The following SAMD7 variants were observed in gnomAD, a reference collection of about 807,000 sequenced individuals.
SAMD7 encodes sterile alpha motif domain-containing protein 7.
In SAMD7, 34 loss-of-function variants were observed where a neutral mutation model predicts 36.7. The ratio of observed to expected loss-of-function variants is 0.93; its 90% CI spans 0.71 to 1.23. The LOEUF is 1.23. SAMD7 is among the 50% of genes most tolerant of loss of function. The probability of loss-of-function intolerance (pLI) is 0.00; values close to 1 mark genes in which losing one functional copy is unlikely to be tolerated. For synonymous variants in SAMD7, 188 were observed against 189.7 expected (o/e 0.99, Z 0.07); for missense variants, 570 against 546.6 (o/e 1.04, Z -0.43).
chr3:169,938,451 G>A lies in SAMD7; in HGVS notation c.1286G>A (p.Cys429Tyr). The change falls in exon 9 of 9, where the codon TGT (cysteine) becomes TAT (tyrosine). Residue 429 changes from cysteine to tyrosine, a missense_variant. Coordinates refer to ENST00000335556, the MANE Select transcript of SAMD7 (RefSeq NM_001304366.2). ...NSWSDTMNIF[C>Y]PQDTIIPKGI... Reference sequence around the variant, plus strand: ...TGGAGTGATACAATGAACATTTTTTGTCCCCAGGATACAATAATTCCTAAA... The same window carrying A: ...TGGAGTGATACAATGAACATTTTTTATCCCCAGGATACAATAATTCCTAAA... The A allele has an allele frequency of 1.2e-6, 2 of 1,613,212 alleles. No homozygotes were observed. Among genetic ancestry groups the A allele is most frequent in the South Asian group, 1.1e-5 (1 of 91,038 alleles).
chr3:169,915,797 C>T (rs1187306461), intron 2 of SAMD7, among the ~76,000 whole-genome samples: 2 of 151,702 alleles, frequency 1.3e-5, no homozygotes, highest in Non-Finnish European at 2.9e-5. Flanking sequence ...AGGCTGGTCT[C>T]GAACTCCTGA....
At chr3:169,925,253 C>A in intron 5 of SAMD7, 117 bp downstream of exon 5, 1 of 600,012 alleles carries the variant, frequency 1.7e-6, no homozygotes, top group Non-Finnish European at 2.8e-6. Flanking sequence ...AATACACACA[C>A]ACAAATTACT....
At chr3:169,925,507 A>C (rs1713221762) in intron 5 of SAMD7, among the ~76,000 whole-genome samples, 1 of 150,364 alleles carries the variant, frequency 6.7e-6, no homozygotes, top group Non-Finnish European at 1.5e-5. Flanking sequence ...TGAGTGGATC[A>C]TGAGGTCAGG....
At chr3:169,912,935 G>A (rs1464455188) in intron 1 of SAMD7, among the ~76,000 whole-genome samples, 1 of 152,188 alleles carries the variant, frequency 6.6e-6, no homozygotes. Context: ...GTTGTGCTCA[G>A]AGAGAGTTGG....
At chr3:169,929,323 T>C (rs1713398759) in intron 7 of SAMD7, among the ~76,000 whole-genome samples, 1 of 152,156 alleles carries the variant, frequency 6.6e-6, no homozygotes, top group Non-Finnish European at 1.5e-5. Context: ...AAATCTAGTA[T>C]CATTTTTGGT....
chr3:169,919,361 G>T, intron 2 of SAMD7, 97 bp from the exon 3 acceptor site: 1 of 679,494 alleles, frequency 1.5e-6, no homozygotes, highest in Non-Finnish European at 2.6e-6. Context: ...CCCAAGTGTT[G>T]TGAAAATACA....
intron 2 of SAMD7, among the ~76,000 whole-genome samples, chr3:169,916,129 C>G (rs1331324835): frequency 6.6e-6 from 1 of 152,198 alleles, no homozygotes; most frequent in South Asian, 2.1e-4. Context: ...GCACAATGGA[C>G]GAACCTGAAG....
chr3:169,924,898 G>A (rs529316721), intron 4 of SAMD7, among the ~76,000 whole-genome samples, 160 bp from the exon 5 acceptor site: 11 of 149,648 alleles, frequency 7.4e-5, no homozygotes, highest in South Asian at 4.2e-4. Context: ...CTAAGATACC[G>A]AACTGCAATG....
intron 2 of SAMD7, among the ~76,000 whole-genome samples, chr3:169,917,902 A>G (rs530402795): frequency 1.3e-5 from 2 of 150,900 alleles, no homozygotes; most frequent in South Asian, 4.2e-4. Flanking sequence ...CGGCCTCCCA[A>G]AATGCTGGGA....
chr3:169,924,992 TTTA>T (rs1375722565), intron 4 of SAMD7, 63 bp from the exon 5 acceptor site: 3 of 1,017,546 alleles, frequency 2.9e-6, no homozygotes, highest in Non-Finnish European at 3.0e-6. Context: ...TATAGTTTAT[TTTA>T]TTATTTTCAA....
At chr3:169,932,212 C>T (rs1713524936) in intron 7 of SAMD7, 1 of 808,238 alleles carries the variant, frequency 1.2e-6, no homozygotes, top group Admixed American at 1.9e-5. Context: ...GACTGCAGCC[C>T]AGTGGGTGGT....
At chr3:169,933,870 G>A (rs533073976) in intron 7 of SAMD7, among the ~76,000 whole-genome samples, 2 of 152,308 alleles carry the variant, frequency 1.3e-5, no homozygotes, top group South Asian at 2.1e-4. Context: ...GAGCATGGTG[G>A]GAACACATAT....
Position 169,926,858 on chromosome 3 carries a change from A to C in SAMD7, c.596A>C (p.Glu199Ala). ...GNQKALDSDA[E>A]SSKSQAEEKI... ...CAAAAAGCTCTAGACAGTGATGCTG[A>C]GAGTTCCAAAAGTCAAGCAGAAGAA... is the stretch of plus-strand genomic sequence containing the variant. The change falls in exon 6 of 9, where the codon GAG becomes GCG. Residue 199 changes from glutamate to alanine, a missense_variant. Glu to Ala is a moderately radical substitution (Grantham distance 107). Transcript: ENST00000335556. 6.2e-7 allele frequency: 1 copy of C among 1,613,942 alleles called. No individual in the cohort carries two copies. The highest frequency in any genetic ancestry group is 8.5e-7 in the Non-Finnish European group (1 of 1,179,962).
intron 7 of SAMD7, chr3:169,932,806 C>T (rs1713565256): frequency 1.8e-6 from 1 of 559,042 alleles, no homozygotes; most frequent in East Asian, 4.2e-5. Flanking sequence ...CCCTTTATGA[C>T]TCTGGCCTGT....
chr3:169,922,408 A>C (rs1035955312), intron 4 of SAMD7, among the ~76,000 whole-genome samples: 2 of 152,222 alleles, frequency 1.3e-5, no homozygotes, highest in East Asian at 3.8e-4. Context: ...CCAGGAGAGC[A>C]TGGTGGCCTG....
chr3:169,936,512 C>A (rs1713723841), intron 8 of SAMD7, 63 bp downstream of exon 8: 1 of 877,352 alleles, frequency 1.1e-6, no homozygotes, highest in East Asian at 2.6e-5. Flanking sequence ...AAATATGTTA[C>A]TTTTATCTTG....
At chr3:169,927,285 C>CTTTTTTTTTTTTTTT (rs71634451) in intron 6 of SAMD7, 104 bp downstream of exon 6, 1 of 137,276 alleles carries the variant, frequency 7.3e-6, no homozygotes, top group African/African-American at 4.5e-5. Context: ...TTTTATCTTT[C>CTTTTTTTTTTTTTTT]TTTTTTTTTT....
chr3:169,936,058 G>T (rs990088016), intron 7 of SAMD7, among the ~76,000 whole-genome samples: 1 of 152,014 alleles, frequency 6.6e-6, no homozygotes, highest in Non-Finnish European at 1.5e-5. Context: ...GGGGTACATT[G>T]GTCAAAAAAA....
At chr3:169,917,475 T>TA (rs1712855542) in intron 2 of SAMD7, among the ~76,000 whole-genome samples, 1 of 152,048 alleles carries the variant, frequency 6.6e-6, no homozygotes, top group Non-Finnish European at 1.5e-5. Context: ...TGTATATACT[T>TA]ACGGGGGCAC....
Sources: allele counts gnomAD v4.1 joint callset (sites outside exome capture counted in the v4.1 genomes callset), GRCh38; gene constraint gnomAD v4.1.1; transcripts MANE v1.5; gene names NCBI Gene and HGNC (gene_info 2026-07-23, HGNC 2026-07-21).